TMEM156: variants seen among roughly 807,000 people sequenced by gnomAD.
The protein encoded by TMEM156 is transmembrane protein 156.
TMEM156 carries 28 observed loss-of-function variants against 30.5 expected under a neutral mutation model. The ratio of observed to expected loss-of-function variants is 0.92; its 90% confidence interval spans 0.68 to 1.26. The LOEUF (loss-of-function observed/expected upper bound fraction) is 1.26, where lower values mean the gene tolerates loss of function less well. Among genes scored for constraint, TMEM156 ranks in the 50% most tolerant of loss-of-function variants. TMEM156 has a pLI of 0.00. For missense variants in TMEM156, 351 were observed against 340.6 expected, an observed-to-expected ratio of 1.03 and a Z score of -0.24; for synonymous variants, 137 against 119.9, an observed-to-expected ratio of 1.14 and a Z score of -0.93.
intron 5 of TMEM156, 56 bp downstream of exon 5, chr4:38,986,280 C>A: frequency 8.1e-7 from 1 of 1,232,024 alleles, no homozygotes; most frequent in East Asian, 2.3e-5. Flanking sequence ...TGTAGTGAAA[C>A]CATGCAGCTT....
chr4:38,977,862 A>G (rs1440693891), intron 5 of TMEM156, among the ~76,000 whole-genome samples: 1 of 152,202 alleles, frequency 6.6e-6, no homozygotes, highest in East Asian at 1.9e-4. Context: ...TATGCTCTCA[A>G]ATAAAGCCCC....
chr4:39,015,913 C>T (rs994893155), intron 1 of TMEM156, among the ~76,000 whole-genome samples: 3 of 152,140 alleles, frequency 2.0e-5, no homozygotes, highest in African/African-American at 7.2e-5. Context: ...CAAAGTCCTT[C>T]CGCCTTCCAC....
At chr4:39,025,488 T>C (rs548910281) in intron 1 of TMEM156, among the ~76,000 whole-genome samples, 1 of 151,706 alleles carries the variant, frequency 6.6e-6, no homozygotes, top group South Asian at 2.1e-4. Context: ...GGGAAAAACA[T>C]ATCATATTGT....
chr4:39,028,561 T>G (rs1337008889), intron 1 of TMEM156: 1 of 152,204 alleles, frequency 6.6e-6, no homozygotes, highest in Non-Finnish European at 1.5e-5. Context: ...AACTCCTTGA[T>G]CAAAGAGTTG....
intron 2 of TMEM156, among the ~76,000 whole-genome samples, chr4:38,996,703 A>C (rs1289055485): frequency 6.6e-6 from 1 of 152,264 alleles, no homozygotes; most frequent in African/African-American, 2.4e-5. Context: ...TTCCTCAAAA[A>C]ATTAAAAACA....
chr4:38,993,953 T>G lies in TMEM156; in HGVS notation c.404A>C (p.His135Pro), dbSNP rs375386331. ...GSMEVKANDF[H>P]SPCQHFNFSV... The stretch of plus-strand genomic sequence containing the variant: ...GAAGTTAAAGTGCTGACAAGGTGAA[T>G]GAAAATCATTTGCTTTCACTTCCAT... The change falls in exon 3 of 7, where the codon CAT becomes CCT. Residue 135 changes from histidine to proline, a missense_variant. Transcript: ENST00000381938. 7 of 1,614,032 alleles carry G rather than the reference T, an allele frequency of 4.3e-6. No individual in the cohort carries two copies. Among genetic ancestry groups the G allele is most frequent in the Non-Finnish European group, 5.9e-6 (7 of 1,179,900 alleles).
chr4:38,987,875 T>C (rs1712114918), intron 4 of TMEM156, among the ~76,000 whole-genome samples: 1 of 152,178 alleles, frequency 6.6e-6, no homozygotes, highest in Admixed American at 6.5e-5. Flanking sequence ...CTTATAGTAA[T>C]ACATCTTGCA....
At chr4:38,987,689 T>C (rs35357903) in intron 4 of TMEM156, among the ~76,000 whole-genome samples, 11,462 of 152,246 alleles carry the variant, frequency 0.075, 594 homozygotes, top group African/African-American at 0.14. Flanking sequence ...TGGTAAACTT[T>C]GTAAGTAATC....
At chr4:39,020,529 C>T (rs964402006) in intron 1 of TMEM156, among the ~76,000 whole-genome samples, 1 of 151,974 alleles carries the variant, frequency 6.6e-6, no homozygotes, top group Admixed American at 6.6e-5. Context: ...TGTCATTGTG[C>T]CTTATTAGTA....
In TMEM156 at chr4:38,983,748, A is replaced by T. The variant is rs111921593; in HGVS notation, c.823+2588T>A. 9.2e-3 allele frequency among the ~76,000 whole-genome samples: 1,398 copies of T among 152,278 alleles called. 23 individuals are homozygous for T. The highest frequency in any genetic ancestry group is 0.031 in the African/African-American group (1,304 of 41,548). On this transcript the variant is annotated intron_variant, in intron 5 of 6. Transcript: ENST00000381938. Reference sequence around the variant, plus strand: ...CAAAATCCCTTCTTCAAGACAGTCAATGTTTTTTATGATTCTTTGATATCC... The same window carrying T: ...CAAAATCCCTTCTTCAAGACAGTCATTGTTTTTTATGATTCTTTGATATCC...
At chr4:39,004,857 C>T (rs1179439747) in intron 1 of TMEM156, among the ~76,000 whole-genome samples, 2 of 151,996 alleles carry the variant, frequency 1.3e-5, no homozygotes, top group Non-Finnish European at 2.9e-5. Flanking sequence ...TACCATATGA[C>T]CCAAAAATTC....
intron 2 of TMEM156, among the ~76,000 whole-genome samples, chr4:38,995,159 C>T (rs576177512): frequency 6.6e-6 from 1 of 152,216 alleles, no homozygotes; most frequent in East Asian, 1.9e-4. Context: ...TCTCTGTGTC[C>T]AAACTTCTCC....
chr4:38,980,271 G>A (rs1297652655), intron 5 of TMEM156, among the ~76,000 whole-genome samples: 1 of 151,338 alleles, frequency 6.6e-6, no homozygotes, highest in African/African-American at 2.4e-5. Context: ...CACACTGCAG[G>A]TATCTTTAAT....
intron 1 of TMEM156, among the ~76,000 whole-genome samples, chr4:39,015,895 A>G (rs1164205005): frequency 6.6e-6 from 1 of 152,128 alleles, no homozygotes; most frequent in East Asian, 1.9e-4. Context: ...TTTGCCTGCC[A>G]CCAAGTACAA....
At chr4:38,990,376 C>G (rs560818687) in intron 3 of TMEM156, among the ~76,000 whole-genome samples, 1 of 152,306 alleles carries the variant, frequency 6.6e-6, no homozygotes, top group Admixed American at 6.5e-5. Flanking sequence ...TCTTCAGCTG[C>G]CAGGCTTGCA....
intron 1 of TMEM156, among the ~76,000 whole-genome samples, chr4:39,018,753 G>C (rs1714666397): frequency 6.6e-6 from 1 of 152,110 alleles, no homozygotes; most frequent in Non-Finnish European, 1.5e-5. Context: ...GGGCACGATG[G>C]CTCACACCTG....
In TMEM156 at chr4:38,989,687, A is replaced by G. The variant is rs547449769; in HGVS notation, c.620-717T>C. On this transcript the variant is annotated intron_variant, in intron 3 of 6. Coordinates refer to ENST00000381938, the MANE Select transcript of TMEM156 (RefSeq NM_024943.3). ...GTCTCCCATGGTCTCATAAAGACAC[A>G]CTGGCCAGCAGAACCAGGAATCAGT... 5.3e-5 allele frequency among the ~76,000 whole-genome samples: 8 copies of G among 152,364 alleles called. No individual in the cohort carries two copies. In the South Asian group the frequency reaches 1.7e-3, roughly 32 times the overall value.
At position 38,977,946 on chromosome 4, in the gene TMEM156, C is replaced by T. The variant is rs75755622; in HGVS notation, c.824-6809G>A. Among the ~76,000 whole-genome samples the T allele has an allele frequency of 3.3e-4, 51 of 152,324 alleles. 2 individuals carry two copies. In the East Asian group the frequency reaches 9.6e-3, roughly 29 times the overall value. On this transcript the variant is annotated intron_variant, in intron 5 of 6. Coordinates refer to ENST00000381938, the MANE Select transcript of TMEM156 (RefSeq NM_024943.3). ...TTTTTCTTCTTTTAGATAAAGATTT[C>T]TATCGCTTTTCAAAGGTGCTTTATA...
At chr4:39,023,088 G>A (rs146822814) in intron 1 of TMEM156, among the ~76,000 whole-genome samples, 216 of 152,252 alleles carry the variant, frequency 1.4e-3, no homozygotes, top group African/African-American at 5.1e-3. Flanking sequence ...AGAGCTAATG[G>A]ATGGGATTAG....
Sources: gnomAD v4.1 joint callset for allele counts (sites outside exome capture counted in the v4.1 genomes callset) on GRCh38, gnomAD v4.1.1 for gene constraint, MANE v1.5 for transcripts, NCBI Gene and HGNC (gene_info 2026-07-23, HGNC 2026-07-21) for gene names.